RGS3: variants seen among roughly 807,000 people sequenced by gnomAD.
RGS3 encodes the protein regulator of G-protein signalling 3.
Under a neutral mutation model 132.6 loss-of-function variants are expected in RGS3, and 80 were observed. The observed-to-expected ratio is 0.60, with a 90% confidence interval of 0.50 to 0.73. RGS3 has a LOEUF of 0.73. Among genes scored for constraint, RGS3 ranks in the 30% least tolerant of loss-of-function variants. The probability of loss-of-function intolerance (pLI) is 0.00; values close to 1 mark genes in which losing one functional copy is unlikely to be tolerated. For missense variants in RGS3, 1,382 were observed against 1,530.8 expected, an observed-to-expected ratio of 0.90 and a Z score of 1.62; for synonymous variants, 598 against 620.6, an observed-to-expected ratio of 0.96 and a Z score of 0.54.
intron 14 of RGS3, among the ~76,000 whole-genome samples, chr9:113,512,375 A>T (rs1226255511): frequency 6.6e-6 from 1 of 152,200 alleles, no homozygotes. Flanking sequence ...TCCAGGGCTC[A>T]TGCTCATTCT....
intron 19 of RGS3, among the ~76,000 whole-genome samples, chr9:113,538,836 T>C (rs1244040932): frequency 6.6e-6 from 1 of 152,158 alleles, no homozygotes; most frequent in Non-Finnish European, 1.5e-5. Flanking sequence ...GCCTCAGAAT[T>C]ACCTCCCGGG....
At chr9:113,472,463 G>A (rs889813440) in intron 3 of RGS3, among the ~76,000 whole-genome samples, 3 of 152,172 alleles carry the variant, frequency 2.0e-5, no homozygotes, top group African/African-American at 4.8e-5. Flanking sequence ...ATACTGATAC[G>A]TGCTACAATA....
At chr9:113,529,852 C>T (rs1204514295) in intron 18 of RGS3, among the ~76,000 whole-genome samples, 4 of 152,212 alleles carry the variant, frequency 2.6e-5, no homozygotes, top group African/African-American at 7.2e-5. Flanking sequence ...CTTAGATAGG[C>T]AGTGCTGTGC....
chr9:113,580,311 G>A (rs1834728196), intron 19 of RGS3, among the ~76,000 whole-genome samples: 1 of 152,204 alleles, frequency 6.6e-6, no homozygotes, highest in Non-Finnish European at 1.5e-5. Context: ...GAGACCCTGG[G>A]CAGGAGATAT....
chr9:113,553,285 T>C (rs1434496161), intron 19 of RGS3, among the ~76,000 whole-genome samples: 1 of 145,944 alleles, frequency 6.9e-6, no homozygotes, highest in Non-Finnish European at 1.5e-5. Flanking sequence ...CTACAAAAAA[T>C]AAAAAAAATT....
intron 19 of RGS3, among the ~76,000 whole-genome samples, chr9:113,564,041 C>T (rs1019177834): frequency 6.6e-6 from 1 of 152,134 alleles, no homozygotes. Flanking sequence ...TTGGGCATTC[C>T]CAACTTGGGC....
At chr9:113,494,011 C>T (rs955526449) in intron 7 of RGS3, among the ~76,000 whole-genome samples, 1 of 152,070 alleles carries the variant, frequency 6.6e-6, no homozygotes, top group African/African-American at 2.4e-5. Flanking sequence ...CTATTGAAGC[C>T]AGCCTCCAGG....
intron 3 of RGS3, among the ~76,000 whole-genome samples, chr9:113,470,984 C>A (rs2119186063): frequency 6.6e-6 from 1 of 152,204 alleles, no homozygotes; most frequent in South Asian, 2.1e-4. Flanking sequence ...AAACAACAAA[C>A]AAACAGTATA....
chr9:113,484,208 C>A (rs764353446), exon 6 of RGS3: 1 of 1,609,716 alleles, frequency 6.2e-7, no homozygotes, highest in South Asian at 1.1e-5. Context: ...TGCAGAGACC[C>A]GGCTTTCCAC....
intron 3 of RGS3, among the ~76,000 whole-genome samples, chr9:113,476,576 C>A (rs1830000669): frequency 6.6e-6 from 1 of 152,132 alleles, no homozygotes; most frequent in African/African-American, 2.4e-5. Context: ...CCTGAGAAGC[C>A]CCTGGCTGGC....
rs1217293385 is a variant in RGS3, at chr9:113,553,459, AATATAT to A, written c.2037+16568_2037+16573del. On this transcript the variant is annotated intron_variant, in intron 19 of 24. Coordinates refer to ENST00000350696, the Ensembl canonical transcript of RGS3. ...CTCTGTTTAAAAAAAAAAAAAAAAAAATATATATATATATATATATATATATATATA... is the reference window on the plus strand; with the variant it reads ...CTCTGTTTAAAAAAAAAAAAAAAAAAATATATATATATATATATATATATA... 2.6e-3 allele frequency among the ~76,000 whole-genome samples: 154 copies of A among 58,604 alleles called. 1 individual carries two copies. The highest frequency in any genetic ancestry group is 4.5e-3 in the African/African-American group (63 of 13,894). 38.4% of individuals were successfully genotyped at this position (58,604 alleles called of 152,430 possible).
intron 15 of RGS3, among the ~76,000 whole-genome samples, chr9:113,516,928 T>C (rs1831700427): frequency 6.6e-6 from 1 of 152,222 alleles, no homozygotes; most frequent in Admixed American, 6.5e-5. Context: ...TATACAGTCA[T>C]AAGGACAAGT....
chr9:113,445,419 G>A (rs1445808142), intron 1 of RGS3, among the ~76,000 whole-genome samples: 2 of 151,918 alleles, frequency 1.3e-5, no homozygotes, highest in East Asian at 3.9e-4. Context: ...GGCTTGTCTC[G>A]AACTCTGCCC....
rs773651447 is a variant in RGS3 at position 113,594,390 on chromosome 9, GGC to G, written c.3081-39_3081-38del. Reference sequence around the variant, plus strand: ...GACTCTGGATTTGCAGGGGCGAGTGGGCCAGGCTGAGCAACCCTCTTTTCTGC... The same window carrying G: ...GACTCTGGATTTGCAGGGGCGAGTGGCAGGCTGAGCAACCCTCTTTTCTGC... On this transcript the variant is annotated intron_variant, in intron 21 of 24. Coordinates refer to ENST00000350696, the Ensembl canonical transcript of RGS3. 2.5e-6 allele frequency: 4 copies of G among 1,609,772 alleles called. No homozygotes were observed. The African/African-American group carries it at 5.3e-5, about 22-fold the overall frequency.
intron 3 of RGS3, among the ~76,000 whole-genome samples, chr9:113,477,744 C>T (rs1830038050): frequency 6.6e-6 from 1 of 152,156 alleles, no homozygotes; most frequent in Non-Finnish European, 1.5e-5. Context: ...ATTGAACAAT[C>T]AGAGCTCTTT....
At chr9:113,540,810 G>T (rs1284451486) in intron 19 of RGS3, among the ~76,000 whole-genome samples, 1 of 152,216 alleles carries the variant, frequency 6.6e-6, no homozygotes, top group East Asian at 1.9e-4. Flanking sequence ...TGTGACCTCA[G>T]GTGAGCCAGT....
chr9:113,544,664 T>C (rs1455359171), intron 19 of RGS3, among the ~76,000 whole-genome samples: 1 of 152,214 alleles, frequency 6.6e-6, no homozygotes, highest in East Asian at 1.9e-4. Flanking sequence ...TCCCCAGGCA[T>C]GATCTCCCCC....
At chr9:113,509,928 A>C (rs1445096808) in intron 14 of RGS3, among the ~76,000 whole-genome samples, 1 of 152,118 alleles carries the variant, frequency 6.6e-6, no homozygotes, top group Non-Finnish European at 1.5e-5. Flanking sequence ...CAATTCAATG[A>C]TGAGTTTTAT....
At chr9:113,461,189 T>C (rs1284100792) in intron 1 of RGS3, among the ~76,000 whole-genome samples, 1 of 152,106 alleles carries the variant, frequency 6.6e-6, no homozygotes, top group Non-Finnish European at 1.5e-5. Flanking sequence ...ATGATTGTTA[T>C]CGTGTGTGGT....
Sources: gnomAD v4.1 joint callset for allele counts (sites outside exome capture counted in the v4.1 genomes callset) on GRCh38, gnomAD v4.1.1 for gene constraint, MANE v1.5 for transcripts, NCBI Gene and HGNC (gene_info 2026-07-23, HGNC 2026-07-21) for gene names.